Variants in SLC25A41 observed in about 807,000 individuals in gnomAD.
SLC25A41 encodes solute carrier family 25 member 41.
In SLC25A41, 35 loss-of-function variants were observed where a neutral mutation model predicts 34.7. The ratio of observed to expected loss-of-function variants is 1.01; its 90% CI spans 0.77 to 1.34. The LOEUF (loss-of-function observed/expected upper bound fraction) is 1.34. SLC25A41 is among the 40% of genes most tolerant of loss of function. SLC25A41 has a pLI of 0.00. For synonymous variants in SLC25A41, 190 were observed against 209.9 expected (o/e 0.91, Z 0.82); for missense variants, 492 against 489.8 (o/e 1.00, Z -0.04).
At chr19:6,434,521 A>G (rs1340799175), upstream of SLC25A41, among the ~76,000 whole-genome samples, 1 of 152,210 alleles carries the variant, frequency 6.6e-6, no homozygotes, top group Admixed American at 6.5e-5. Context: ...AAATGTCTGC[A>G]GTTTAAGACC....
Position 6,427,501 on chromosome 19 carries a change from C to G in SLC25A41, c.625G>C (p.Val209Leu). Residue 209 changes from valine to leucine, a missense_variant and splice_region_variant, in exon 5 of 7, where the codon GTG becomes CTG. Coordinates refer to ENST00000321510, the MANE Select transcript of SLC25A41 (RefSeq NM_173637.4). The surrounding 1 kb of genome is among the most constrained non-coding windows in gnomAD (Gnocchi z 4.9). The stretch of plus-strand genomic sequence containing the variant: ...CGCAAGGTCAACCGCGTCTTCAGCA[C>G]CTGAGGATGGCGGGGAACAAGGCAG... ...ISQTLINPME[V>L]LKTRLTLRRT... 1 of 1,526,330 alleles carries G rather than the reference C, an allele frequency of 6.6e-7. No homozygotes were observed. Among genetic ancestry groups the G allele is most frequent in the Non-Finnish European group, 8.9e-7 (1 of 1,129,792 alleles). The allele number at this position is 1,526,330 out of a possible 1,614,324, so 94.5% of individuals were successfully genotyped here. A position where few individuals can be genotyped will look rare whatever the true frequency, so the allele number is the denominator to read the frequency against.
rs767285439 is a variant in SLC25A41 at position 6,430,113 on chromosome 19, T to A, written c.412A>T (p.Ser138Cys). Reference sequence around the variant, plus strand: ...CGGAAGCCGCCCTCCTGGACCATGCTCTGTAGCCCCCCCAGCAGGTTGGTG... The same window carrying A: ...CGGAAGCCGCCCTCCTGGACCATGCACTGTAGCCCCCCCAGCAGGTTGGTG... ...NFTNLLGGLQ[S>C]MVQEGGFRSL... Residue 138 changes from serine to cysteine, a missense_variant, in exon 3 of 7, where the codon AGC becomes TGC. Physicochemically the swap from Ser to Cys is moderately radical, Grantham distance 112. Transcript: ENST00000321510. 1 of 1,613,384 alleles carries A rather than the reference T, an allele frequency of 6.2e-7. No homozygotes were observed. The highest frequency in any genetic ancestry group is 8.5e-7 in the Non-Finnish European group (1 of 1,179,624).
chr19:6,429,409 AGAG>A (rs2092271513), intron 4 of SLC25A41, among the ~76,000 whole-genome samples: 1 of 13,194 alleles, frequency 7.6e-5, no homozygotes, highest in Non-Finnish European at 2.1e-4. Context: ...GGAGAAAGGA[AGAG>A]GGGAGGAGAA....
rs2092275873 is a variant in SLC25A41 at position 6,429,718 on chromosome 19, T to C, written c.624+6A>G. On this transcript the variant is annotated splice_donor_region_variant and intron_variant, in intron 4 of 6. Transcript: ENST00000321510. ...TTCCTCACCTGCGGGGCACATGCTCTCTTACCTCCATGGGGTTGATGAGGG... is the reference window on the plus strand; with the variant it reads ...TTCCTCACCTGCGGGGCACATGCTCCCTTACCTCCATGGGGTTGATGAGGG... The C allele has an allele frequency of 6.4e-7, 1 of 1,571,230 alleles. No individual in the cohort carries two copies. The highest frequency in any genetic ancestry group is 1.4e-5 in the African/African-American group (1 of 72,266).
chr19:6,426,550 C>T lies in SLC25A41; in HGVS notation c.952G>A (p.Gly318Ser). Residue 318 changes from glycine (G) to serine (S), a missense_variant, in exon 7 of 7, where the codon GGC (glycine) becomes AGC (serine). Gly to Ser is a moderately conservative substitution (Grantham distance 56, BLOSUM62 0). Coordinates refer to ENST00000321510, the MANE Select transcript of SLC25A41 (RefSeq NM_173637.4). ...ACTCCGCGCATGGTGGGATTTGAGC[C>T]CTCCACGGTATCTGCAGGGACACAG... Reference protein sequence around the residue: ...TRMQAQDTVEGSNPTMRGVLQ... With the variant: ...TRMQAQDTVESSNPTMRGVLQ... 1 of 1,612,834 alleles carries T rather than the reference C, an allele frequency of 6.2e-7. No homozygotes were observed. The highest frequency in any genetic ancestry group is 8.5e-7 in the Non-Finnish European group (1 of 1,179,678).
Position 6,430,210 on chromosome 19 carries a change from G to A in SLC25A41, c.364-49C>T, listed in dbSNP as rs200394160. 9.3e-5 allele frequency: 144 copies of A among 1,548,140 alleles called. 1 individual carries two copies. In the East Asian group the frequency reaches 1.2e-3, roughly 13 times the overall value. ...GGAGCCCCTGCTCGCCTCTGTCTCC[G>A]TCCCCATCCCTGCCCCAAGCGCAGC... On this transcript the variant is annotated intron_variant, in intron 2 of 6. Coordinates refer to ENST00000321510, the MANE Select transcript of SLC25A41 (RefSeq NM_173637.4).
At chr19:6,434,410 C>T (rs909949873), upstream of SLC25A41, among the ~76,000 whole-genome samples, 1 of 152,108 alleles carries the variant, frequency 6.6e-6, no homozygotes, top group Admixed American at 6.6e-5. Context: ...TCTCTGTCTG[C>T]CATGGGAGGA....
chr19:6,431,261 T>C (rs2092284451), intron 2 of SLC25A41, among the ~76,000 whole-genome samples: 1 of 151,104 alleles, frequency 6.6e-6, no homozygotes, highest in South Asian at 2.1e-4. Flanking sequence ...CACCCGTTTA[T>C]TTTTTCAGCC....
In SLC25A41 at chr19:6,427,054, G is replaced by A. The variant is rs752581751; in HGVS notation, c.940+49C>T. ...GGTATGAGAAAATTGAGACAGCCAG[G>A]GTGGGGCGGGGAAGGGGCATGCGTG... On this transcript the variant is annotated intron_variant, in intron 6 of 6. Transcript: ENST00000321510. This position sits in a 1 kb window ranked among gnomAD's most constrained non-coding sequence, Gnocchi z 4.9. 39 of 1,545,858 alleles carry A rather than the reference G, an allele frequency of 2.5e-5. No individual in the cohort carries two copies. Among genetic ancestry groups the A allele is most frequent in the Non-Finnish European group, 3.2e-5 (37 of 1,142,754 alleles).
Position 6,433,683 on chromosome 19 carries a change from T to C in SLC25A41, c.11A>G (p.Gln4Arg). ...GCAAGTGTTCTGAGGTTCCCCAGGC[T>C]GAGCGCCCATGGAGGAAGTTAGGAC... The part of the protein sequence containing the change: MGA[Q>R]PGEPQNTCSR... The change falls in exon 1 of 7, where the codon CAG becomes CGG. Residue 4 changes from glutamine to arginine, a missense_variant. Physicochemically the swap from Gln to Arg is conservative, Grantham distance 43. Transcript: ENST00000321510. 6.4e-7 allele frequency: 1 copy of C among 1,559,468 alleles called. No homozygotes were observed. The highest frequency in any genetic ancestry group is 1.4e-5 in the African/African-American group (1 of 73,762).
chr19:6,429,907 G>A (rs2092277164), intron 3 of SLC25A41, 76 bp from the exon 4 acceptor site: 1 of 1,587,134 alleles, frequency 6.3e-7, no homozygotes, highest in Admixed American at 1.8e-5. Context: ...AAGAGGCCTG[G>A]GGTCTGGAGG....
At chr19:6,429,406 GGAA>G (rs2092271483) in intron 4 of SLC25A41, among the ~76,000 whole-genome samples, 3 of 38,322 alleles carry the variant, frequency 7.8e-5, no homozygotes, top group Non-Finnish European at 9.2e-5. Context: ...AAGGGAGAAA[GGAA>G]GAGGGGAGGA....
chr19:6,429,093 TGTTAC>T (rs1267441384), intron 4 of SLC25A41, among the ~76,000 whole-genome samples: 686 of 36,612 alleles, frequency 0.019, 212 homozygotes, highest in African/African-American at 0.1. Flanking sequence ...ATTATATATA[TGTTAC>T]ATATATATAT....
In SLC25A41 at chr19:6,429,719, C is replaced by G; in HGVS notation, c.624+5G>C. 6.4e-7 allele frequency: 1 copy of G among 1,572,162 alleles called. No individual in the cohort carries two copies. On this transcript the variant is annotated splice_donor_5th_base_variant and intron_variant, in intron 4 of 6. Transcript: ENST00000321510. Reference sequence around the variant, plus strand: ...TCCTCACCTGCGGGGCACATGCTCTCTTACCTCCATGGGGTTGATGAGGGT... The same window carrying G: ...TCCTCACCTGCGGGGCACATGCTCTGTTACCTCCATGGGGTTGATGAGGGT...
rs746779480 is a variant in SLC25A41 at position 6,426,394 on chromosome 19, T to C, written c.1108A>G (p.Ile370Val). 13 of 1,613,350 alleles carry C rather than the reference T, an allele frequency of 8.1e-6. No individual in the cohort carries two copies. Among genetic ancestry groups the C allele is most frequent in the Middle Eastern group, 3.3e-4 (2 of 6,058 alleles). Residue 370 changes from isoleucine to valine, a missense_variant, in exon 7 of 7, where the codon ATA (isoleucine) becomes GTA (valine). Physicochemically the swap from Ile to Val is conservative, Grantham distance 29. Transcript: ENST00000321510. The stretch of plus-strand genomic sequence containing the variant: ...TGTGTCGTCCAGCTCACAGCCTATA[T>C]GCCCAGGGTTTTCTTCATGGCTTCG... ...VYEAMKKTLG[I>V]
At chr19:6,432,252 C>T (rs1244772830) in intron 1 of SLC25A41, 48 bp from the exon 2 acceptor site, 12 of 1,588,982 alleles carry the variant, frequency 7.6e-6, no homozygotes, top group Non-Finnish European at 1.0e-5. Flanking sequence ...GGTTGGGGCA[C>T]CTTCCCCAGA....
At chr19:6,429,130 T>TTA (rs372857677) in intron 4 of SLC25A41, among the ~76,000 whole-genome samples, 5 of 10,616 alleles carry the variant, frequency 4.7e-4, no homozygotes, top group Non-Finnish European at 7.2e-4. Context: ...TATATATATG[T>TTA]TATATATATA....
At chr19:6,436,168 T>A (rs2092311600), upstream of SLC25A41, 7 of 227,162 alleles carry the variant, frequency 3.1e-5, no homozygotes, top group South Asian at 3.7e-4. Flanking sequence ...ACAACAAACA[T>A]TTATCATCTC....
chr19:6,427,409 G>A lies in SLC25A41; in HGVS notation c.717C>T (p.Arg239=), dbSNP rs769703768. The change falls in exon 5 of 7, where the codon CGC becomes CGT. Residue 239 remains arginine (R), a synonymous_variant. Coordinates refer to ENST00000321510, the MANE Select transcript of SLC25A41 (RefSeq NM_173637.4). The surrounding 1 kb of genome is among the most constrained non-coding windows in gnomAD (Gnocchi z 4.9). The part of the protein sequence containing the change: ...ARQILQREGT[R]ALYRGYLPNM... ...TGGGCAGGTAGCCGCGGTAAAGGGC[G>A]CGGGTGCCCTCTCGCTGCAAGATCT... 1.2e-6 allele frequency: 2 copies of A among 1,610,822 alleles called. No homozygotes were observed. The highest frequency in any genetic ancestry group is 2.2e-5 in the East Asian group (1 of 44,816).
Sources: allele counts gnomAD v4.1 joint callset (sites outside exome capture counted in the v4.1 genomes callset), GRCh38; gene constraint gnomAD v4.1.1; non-coding constraint Gnocchi (gnomAD v3.1); transcripts MANE v1.5; gene names NCBI Gene and HGNC (gene_info 2026-07-23, HGNC 2026-07-21).